Variants in MAGI2 observed in about 807,000 individuals in gnomAD.
MAGI2 encodes the protein membrane-associated guanylate kinase, WW and PDZ domain-containing protein 2.
MAGI2 carries 35 observed loss-of-function variants against 133.3 expected under a neutral mutation model. The observed-to-expected ratio is 0.26, with a 90% CI of 0.20 to 0.35. The LOEUF is 0.35. MAGI2 is among the 10% of genes least tolerant of loss of function. The pLI is 1.00. For synonymous variants in MAGI2, 729 were observed against 710.6 expected (o/e 1.03, Z -0.41); for missense variants, 1,636 against 1,863.4 (o/e 0.88, Z 2.25).
At position 78,360,095 on chromosome 7, in the gene MAGI2, C is replaced by T. The variant is rs1316602654; in HGVS notation, c.1103+9061G>A. Among the ~76,000 whole-genome samples the T allele has an allele frequency of 2.0e-5, 3 of 152,144 alleles. No individual in the cohort carries two copies. The East Asian group carries it at 5.8e-4, about 29-fold the overall frequency. ...TGTATTTTACCCAGTTAGGGTAAAA[C>T]ATCTTCTGTTTCATTATTCAATTAT... On this transcript the variant is annotated intron_variant, in intron 7 of 21. Transcript: ENST00000354212.
chr7:78,566,356 G>C (rs897328786), intron 3 of MAGI2, among the ~76,000 whole-genome samples: 1 of 152,090 alleles, frequency 6.6e-6, no homozygotes, highest in Non-Finnish European at 1.5e-5. Context: ...TTTTTAAAGT[G>C]TGAGAAAGGC....
chr7:78,812,617 CAT>C (rs1165358699), intron 2 of MAGI2, among the ~76,000 whole-genome samples: 5 of 130,784 alleles, frequency 3.8e-5, no homozygotes, highest in Admixed American at 1.5e-4. Flanking sequence ...TGTGTGTGTA[CAT>C]ATATATATAT....
chr7:79,186,698 T>A (rs1417652311), intron 1 of MAGI2, among the ~76,000 whole-genome samples: 1 of 146,358 alleles, frequency 6.8e-6, no homozygotes, highest in East Asian at 2.0e-4. Context: ...TATATATTTA[T>A]ACAAAAGTAT....
intron 2 of MAGI2, among the ~76,000 whole-genome samples, chr7:78,665,566 A>G (rs1044670785): frequency 6.6e-6 from 1 of 152,164 alleles, no homozygotes; most frequent in African/African-American, 2.4e-5. Flanking sequence ...CATATATTAG[A>G]AGGTTGATTT....
intron 2 of MAGI2, among the ~76,000 whole-genome samples, chr7:78,884,561 A>C (rs1227902475): frequency 6.6e-6 from 1 of 152,190 alleles, no homozygotes; most frequent in Non-Finnish European, 1.5e-5. Context: ...GCTAACAAAC[A>C]TGAAAAAATG....
At chr7:78,044,904 C>A (rs1202713732) in intron 21 of MAGI2, among the ~76,000 whole-genome samples, 1 of 152,228 alleles carries the variant, frequency 6.6e-6, no homozygotes, top group African/African-American at 2.4e-5. Flanking sequence ...TGCGGCGGCT[C>A]ACACCTGTAA....
intron 9 of MAGI2, among the ~76,000 whole-genome samples, chr7:78,283,010 T>G (rs909761487): frequency 6.6e-6 from 1 of 152,068 alleles, no homozygotes; most frequent in African/African-American, 2.4e-5. Flanking sequence ...GACCTGGATT[T>G]CCTTTCATTT....
intron 2 of MAGI2, among the ~76,000 whole-genome samples, chr7:78,712,857 C>T (rs1268097411): frequency 6.6e-6 from 1 of 151,878 alleles, no homozygotes; most frequent in African/African-American, 2.4e-5. Context: ...CTTCCATCCC[C>T]AAGACAAATG....
At chr7:78,418,525 G>T (rs1044112286) in intron 6 of MAGI2, among the ~76,000 whole-genome samples, 7 of 152,146 alleles carry the variant, frequency 4.6e-5, no homozygotes, top group African/African-American at 1.4e-4. Flanking sequence ...TACAGTAGCT[G>T]CTAGCACATG....
chr7:79,220,614 A>C (rs1399857434), intron 1 of MAGI2, among the ~76,000 whole-genome samples: 1 of 152,024 alleles, frequency 6.6e-6, no homozygotes, highest in Non-Finnish European at 1.5e-5. Context: ...CTGGAGGAAT[A>C]ACAGAAGAGC....
intron 1 of MAGI2, chr7:79,412,502 T>C (rs150261450): frequency 6.6e-6 from 1 of 152,208 alleles, no homozygotes; most frequent in African/African-American, 2.4e-5. Flanking sequence ...CACAAGCTTG[T>C]CCCCAAGCAT....
At chr7:78,766,155 G>A (rs939040842) in intron 2 of MAGI2, among the ~76,000 whole-genome samples, 6 of 152,132 alleles carry the variant, frequency 3.9e-5, no homozygotes, top group African/African-American at 1.4e-4. Flanking sequence ...TCATCCCTGT[G>A]CCTTTATTTG....
chr7:79,059,122 T>C (rs982722678), intron 1 of MAGI2, among the ~76,000 whole-genome samples: 5 of 152,116 alleles, frequency 3.3e-5, no homozygotes, highest in African/African-American at 9.7e-5. Context: ...ACCAATCTGA[T>C]ATTTTTAATT....
At chr7:78,573,233 A>AATATAT (rs1190975101) in intron 3 of MAGI2, among the ~76,000 whole-genome samples, 8 of 44,494 alleles carry the variant, frequency 1.8e-4, no homozygotes, top group Non-Finnish European at 2.7e-4. Context: ...TATAAATATA[A>AATATAT]ATATATATAT....
intron 2 of MAGI2, among the ~76,000 whole-genome samples, chr7:78,865,855 G>A (rs770059630): frequency 1.3e-5 from 2 of 152,134 alleles, no homozygotes; most frequent in African/African-American, 2.4e-5. Context: ...CAGGGAGGGA[G>A]GGTGGATAAT....
chr7:78,271,302 G>A (rs572786837), intron 9 of MAGI2, among the ~76,000 whole-genome samples: 1 of 152,312 alleles, frequency 6.6e-6, no homozygotes, highest in Non-Finnish European at 1.5e-5. Flanking sequence ...CAGGGATGAA[G>A]CCGACTTGAT....
At chr7:78,870,796 C>T (rs1024922416) in intron 2 of MAGI2, among the ~76,000 whole-genome samples, 1 of 152,074 alleles carries the variant, frequency 6.6e-6, no homozygotes, top group Non-Finnish European at 1.5e-5. Flanking sequence ...TGGAGCCAGC[C>T]TAAATGCCCA....
chr7:78,248,237 C>T (rs1269207221), intron 10 of MAGI2, among the ~76,000 whole-genome samples: 1 of 152,096 alleles, frequency 6.6e-6, no homozygotes, highest in Non-Finnish European at 1.5e-5. Context: ...CCTACATCTG[C>T]CTTACATCAA....
chr7:78,039,302 A>G (rs1488453233), intron 21 of MAGI2, among the ~76,000 whole-genome samples: 3 of 152,210 alleles, frequency 2.0e-5, no homozygotes, highest in Non-Finnish European at 2.9e-5. Context: ...TTAAATAAGC[A>G]TTTATTCAGT....
Sources: gnomAD v4.1 joint callset for allele counts (sites outside exome capture counted in the v4.1 genomes callset) on GRCh38, gnomAD v4.1.1 for gene constraint, MANE v1.5 for transcripts, NCBI Gene and HGNC (gene_info 2026-07-23, HGNC 2026-07-21) for gene names.